Variants in KCNN2 observed in about 807,000 individuals in gnomAD.
The protein encoded by KCNN2 is small conductance calcium-activated potassium channel protein 2.
A neutral mutation model predicts 55.5 loss-of-function variants in KCNN2; 24 were observed. The ratio of observed to expected loss-of-function variants is 0.43; its 90% confidence interval spans 0.31 to 0.61. The LOEUF (loss-of-function observed/expected upper bound fraction) is 0.61. Ranked by LOEUF, KCNN2 falls within the 20% of genes least tolerant of loss-of-function variation. KCNN2 has a pLI of 0.08. For synonymous variants in KCNN2, 431 were observed against 336.1 expected (o/e 1.28, Z -3.09); for missense variants, 754 against 853.6 (o/e 0.88, Z 1.45).
At chr5:114,301,732 A>G (rs1756165382) in intron 2 of KCNN2, among the ~76,000 whole-genome samples, 2 of 152,166 alleles carry the variant, frequency 1.3e-5, no homozygotes, top group Non-Finnish European at 2.9e-5. Context: ...GTTATTCAAT[A>G]AAAACTTACA....
At chr5:114,255,746 A>T (rs1241953402) in intron 2 of KCNN2, among the ~76,000 whole-genome samples, 2 of 152,188 alleles carry the variant, frequency 1.3e-5, no homozygotes, top group Non-Finnish European at 2.9e-5. Context: ...ATAGAGGCAT[A>T]AACTGGAGGA....
In KCNN2 at chr5:114,463,001, A is replaced by G. The variant is rs368487590; in HGVS notation, c.1638-48A>G. On this transcript the variant is annotated intron_variant, in intron 3 of 7. Coordinates refer to ENST00000673685, the MANE Select transcript of KCNN2 (RefSeq NM_021614.4). Reference sequence around the variant, plus strand: ...TTGAACCAAACCACACTTAACTATCATATTGGAGATTAATTATAAAGGACT... The same window carrying G: ...TTGAACCAAACCACACTTAACTATCGTATTGGAGATTAATTATAAAGGACT... 7.6e-6 allele frequency: 12 copies of G among 1,569,586 alleles called. No individual in the cohort carries two copies. The East Asian group carries it at 9.0e-5, about 12-fold the overall frequency.
At chr5:114,157,079 T>A (rs1752651651) in intron 1 of KCNN2, among the ~76,000 whole-genome samples, 1 of 151,980 alleles carries the variant, frequency 6.6e-6, no homozygotes, top group Non-Finnish European at 1.5e-5. Flanking sequence ...TATGTATACA[T>A]GTGCCATGTT....
At chr5:114,333,594 G>A (rs187372654) in intron 2 of KCNN2, among the ~76,000 whole-genome samples, 121 of 147,386 alleles carry the variant, frequency 8.2e-4, no homozygotes, top group South Asian at 3.6e-3. Context: ...GGCAGTTACT[G>A]TTGTTGAGAT....
intron 1 of KCNN2, among the ~76,000 whole-genome samples, chr5:114,090,317 A>C (rs1751111175): frequency 6.6e-6 from 1 of 152,142 alleles, no homozygotes; most frequent in Admixed American, 6.5e-5. Flanking sequence ...TGGCACACTC[A>C]AGATAACATA....
At chr5:114,098,554 A>T (rs1332563623) in intron 1 of KCNN2, among the ~76,000 whole-genome samples, 1 of 151,964 alleles carries the variant, frequency 6.6e-6, no homozygotes, top group Non-Finnish European at 1.5e-5. Flanking sequence ...ATGCCTGATG[A>T]TCTGAGGTGG....
chr5:114,429,164 T>C (rs1759716498), intron 3 of KCNN2, among the ~76,000 whole-genome samples: 1 of 152,154 alleles, frequency 6.6e-6, no homozygotes, highest in Admixed American at 6.5e-5. Context: ...CAAAGTGACA[T>C]ACCATTTTGT....
chr5:114,172,461 T>G (rs1753058250), intron 1 of KCNN2, among the ~76,000 whole-genome samples: 1 of 151,682 alleles, frequency 6.6e-6, no homozygotes, highest in South Asian at 2.1e-4. Flanking sequence ...ACTGGGATGT[T>G]CACAAGTTCT....
intron 2 of KCNN2, among the ~76,000 whole-genome samples, chr5:114,323,981 G>T (rs1756667137): frequency 6.6e-6 from 1 of 152,026 alleles, no homozygotes. Flanking sequence ...AAAGCACATT[G>T]TGTTCTATAA....
chr5:114,288,019 A>G (rs958890555), intron 2 of KCNN2, among the ~76,000 whole-genome samples: 1 of 152,216 alleles, frequency 6.6e-6, no homozygotes, highest in Non-Finnish European at 1.5e-5. Context: ...GTTCTTCACT[A>G]TCCTCTTCCA....
intron 1 of KCNN2, among the ~76,000 whole-genome samples, chr5:114,153,676 A>G (rs139605249): frequency 2.0e-4 from 31 of 152,160 alleles, no homozygotes; most frequent in Admixed American, 9.8e-4. Flanking sequence ...AGCCATCCTT[A>G]TCTCTGGAAG....
intron 4 of KCNN2, among the ~76,000 whole-genome samples, chr5:114,464,005 C>T (rs889273663): frequency 6.6e-6 from 1 of 152,238 alleles, no homozygotes; most frequent in Middle Eastern, 3.4e-3. Context: ...AAGGGGAGAG[C>T]GGCCTGGCAT....
intron 2 of KCNN2, among the ~76,000 whole-genome samples, chr5:114,309,031 C>T (rs1435166011): frequency 1.3e-5 from 2 of 152,166 alleles, no homozygotes; most frequent in African/African-American, 4.8e-5. Context: ...TTAATTCTAA[C>T]ACTTGATTTT....
intron 1 of KCNN2, among the ~76,000 whole-genome samples, chr5:114,096,235 G>A (rs765085268): frequency 2.0e-4 from 31 of 152,044 alleles, no homozygotes; most frequent in Non-Finnish European, 1.5e-5. Context: ...TTATTTTAAC[G>A]TTTCAGTGAG....
intron 2 of KCNN2, among the ~76,000 whole-genome samples, chr5:114,226,540 T>A (rs1269370496): frequency 6.6e-6 from 1 of 152,198 alleles, no homozygotes; most frequent in Non-Finnish European, 1.5e-5. Flanking sequence ...TAGCTGTATT[T>A]ATTCTGATTA....
At chr5:114,177,329 G>T (rs1286037124) in intron 1 of KCNN2, among the ~76,000 whole-genome samples, 3 of 151,920 alleles carry the variant, frequency 2.0e-5, no homozygotes, top group Non-Finnish European at 4.4e-5. Context: ...AGTAGAGACG[G>T]GGTTTCACCG....
chr5:114,362,687 C>G lies in KCNN2; in HGVS notation c.548C>G (p.Ser183Trp), dbSNP rs1051334348. 4.1e-6 allele frequency: 6 copies of G among 1,456,014 alleles called. No homozygotes were observed. The South Asian group carries it at 7.2e-5, about 17-fold the overall frequency. 90.2% of individuals were successfully genotyped at this position (1,456,014 alleles called of 1,614,324 possible). Residue 183 changes from serine (S) to tryptophan (W), a missense_variant, in exon 1 of 8, where the codon TCG becomes TGG. Ser to Trp is a radical substitution (Grantham distance 177). Transcript: ENST00000673685. ...LGSLGSGPPLSHHHHHPHPAH... is the reference protein window; with the variant it reads ...LGSLGSGPPLWHHHHHPHPAH... ...AGTCTGGGCTCCGGGCCCCCGCTCT[C>G]GCACCACCACCACCACCCGCACCCG...
chr5:114,180,770 C>G (rs1753222807), intron 1 of KCNN2, among the ~76,000 whole-genome samples: 1 of 152,120 alleles, frequency 6.6e-6, no homozygotes, highest in Non-Finnish European at 1.5e-5. Context: ...CAAAAAGTTC[C>G]CTCAGCCCCC....
At chr5:114,141,223 T>A (rs1752272495) in intron 1 of KCNN2, among the ~76,000 whole-genome samples, 1 of 152,158 alleles carries the variant, frequency 6.6e-6, no homozygotes, top group Middle Eastern at 3.2e-3. Flanking sequence ...GTTGGTGTAC[T>A]GCACCCATTA....
Sources: allele counts gnomAD v4.1 joint callset (sites outside exome capture counted in the v4.1 genomes callset), GRCh38; gene constraint gnomAD v4.1.1; transcripts MANE v1.5; gene names NCBI Gene and HGNC (gene_info 2026-07-23, HGNC 2026-07-21).